IQCH: variants seen among roughly 807,000 people sequenced by gnomAD.
The protein encoded by IQCH is IQ motif containing H.
In IQCH, 98 loss-of-function variants were observed where a neutral mutation model predicts 117.0. That is an observed-to-expected ratio of 0.84 (90% confidence interval 0.71 to 0.99). The LOEUF (loss-of-function observed/expected upper bound fraction) is 0.99, where lower values mean the gene tolerates loss of function less well. Ranked by LOEUF, IQCH falls within the 50% of genes least tolerant of loss-of-function variation. The probability of loss-of-function intolerance (pLI) is 0.00; values close to 1 mark genes in which losing one functional copy is unlikely to be tolerated. For missense variants in IQCH, 1,102 were observed against 1,243.8 expected, an observed-to-expected ratio of 0.89 and a Z score of 1.72; for synonymous variants, 412 against 448.2, an observed-to-expected ratio of 0.92 and a Z score of 1.02.
At chr15:67,307,786 G>A (rs6494646) in intron 4 of IQCH, among the ~76,000 whole-genome samples, 151,395 of 152,282 alleles carry the variant, frequency 0.99, 75,268 homozygotes, top group Middle Eastern at 1. Flanking sequence ...ACAGATGACT[G>A]TAGTCAGCAT....
chr15:67,497,809 G>T (rs1484018773), intron 20 of IQCH, among the ~76,000 whole-genome samples: 1 of 152,084 alleles, frequency 6.6e-6, no homozygotes, highest in East Asian at 1.9e-4. Context: ...TTTAACAGAA[G>T]TGCAAGATTT....
chr15:67,359,985 A>G lies in IQCH; in HGVS notation c.753+100A>G. 1.2e-6 allele frequency: 1 copy of G among 828,686 alleles called. No homozygotes were observed. Among genetic ancestry groups the G allele is most frequent in the East Asian group, 2.6e-5 (1 of 37,900 alleles). The allele number at this position is 828,686 out of a possible 1,614,324, so 51.3% of individuals were successfully genotyped here. A position where few individuals can be genotyped will look rare whatever the true frequency, so the allele number is the denominator to read the frequency against. ...GTATGGGTGACTGCTTGACAGCTGG[A>G]GATGGCAACAAAAGTTCGTGCTTCC... On this transcript the variant is annotated intron_variant, in intron 8 of 20. Coordinates refer to ENST00000335894, the MANE Select transcript of IQCH (RefSeq NM_001031715.3). The surrounding 1 kb of genome is among the most constrained non-coding windows in gnomAD (Gnocchi z 4.5).
At chr15:67,446,064 G>T (rs1441028146) in intron 16 of IQCH, among the ~76,000 whole-genome samples, 2 of 152,168 alleles carry the variant, frequency 1.3e-5, no homozygotes, top group Non-Finnish European at 2.9e-5. Context: ...CATTTCTAAA[G>T]AGGCTCAATA....
intron 12 of IQCH, among the ~76,000 whole-genome samples, chr15:67,392,835 G>A (rs1337136219): frequency 1.3e-5 from 2 of 149,344 alleles, no homozygotes; most frequent in Non-Finnish European, 3.0e-5. Context: ...AAGGCATATC[G>A]CATAGATCTA....
chr15:67,313,164 T>C (rs1379904536), intron 4 of IQCH, among the ~76,000 whole-genome samples: 1 of 152,172 alleles, frequency 6.6e-6, no homozygotes, highest in Non-Finnish European at 1.5e-5. Context: ...TTATATAATC[T>C]TCACAATAGC....
intron 4 of IQCH, among the ~76,000 whole-genome samples, chr15:67,308,560 A>G (rs1000851827): frequency 5.3e-5 from 8 of 152,130 alleles, no homozygotes; most frequent in Admixed American, 1.3e-4. Flanking sequence ...TCCCACTCCT[A>G]TCATTTAAAG....
At chr15:67,285,561 C>A (rs1966529314) in intron 4 of IQCH, among the ~76,000 whole-genome samples, 1 of 152,056 alleles carries the variant, frequency 6.6e-6, no homozygotes, top group Non-Finnish European at 1.5e-5. Context: ...CCTGGGTATT[C>A]TTCTAGGGTT....
intron 6 of IQCH, among the ~76,000 whole-genome samples, chr15:67,349,922 G>A (rs895548092): frequency 3.3e-5 from 5 of 152,114 alleles, no homozygotes; most frequent in Admixed American, 2.0e-4. Flanking sequence ...TTGTTGGTAG[G>A]GATGCAAAAT....
At chr15:67,298,755 A>G (rs1966881158) in intron 4 of IQCH, among the ~76,000 whole-genome samples, 1 of 152,096 alleles carries the variant, frequency 6.6e-6, no homozygotes, top group Non-Finnish European at 1.5e-5. Context: ...AATCTCAGCT[A>G]CTTGGGAGGC....
chr15:67,295,294 A>G (rs1268418271), intron 4 of IQCH, among the ~76,000 whole-genome samples: 2 of 152,174 alleles, frequency 1.3e-5, no homozygotes, highest in Non-Finnish European at 2.9e-5. Context: ...AGCTAGAAAT[A>G]TGGCTGTCTC....
In IQCH at chr15:67,452,182, T is replaced by G. The variant is rs979744857; in HGVS notation, c.2506-12945T>G. 1.9e-4 allele frequency among the ~76,000 whole-genome samples: 29 copies of G among 152,338 alleles called. No individual in the cohort carries two copies. In the East Asian group the frequency reaches 2.9e-3, roughly 15 times the overall value. Reference sequence around the variant, plus strand: ...ATGGGTCTTGACTCTTTATCCAATTTGCCAGTCTGTGTCTTTTAATTGGAG... The same window carrying G: ...ATGGGTCTTGACTCTTTATCCAATTGGCCAGTCTGTGTCTTTTAATTGGAG... On this transcript the variant is annotated intron_variant, in intron 16 of 20. Transcript: ENST00000335894.
At chr15:67,462,438 AAAAG>A (rs1263834177) in intron 16 of IQCH, among the ~76,000 whole-genome samples, 10 of 151,754 alleles carry the variant, frequency 6.6e-5, no homozygotes, top group African/African-American at 1.7e-4. Flanking sequence ...AAAAAAAAAA[AAAAG>A]AAAGAAATTA....
intron 4 of IQCH, 133 bp downstream of exon 4, chr15:67,279,645 T>G (rs1966269770): frequency 1.3e-5 from 7 of 550,390 alleles, no homozygotes; most frequent in Middle Eastern, 4.0e-4. Context: ...TCTAGAATTA[T>G]ATAGTGGTGA....
chr15:67,388,803 TAA>T lies in IQCH; in HGVS notation c.1457-27_1457-26del. The T allele has an allele frequency of 6.3e-7, 1 of 1,585,310 alleles. No individual in the cohort carries two copies. The highest frequency in any genetic ancestry group is 8.7e-7 in the Non-Finnish European group (1 of 1,154,606). Reference sequence around the variant, plus strand: ...ATAATGTCATTTACCTTCACACCAGTAATTAACATTGTGCCTGTTGTTTTTAG... The same window carrying T: ...ATAATGTCATTTACCTTCACACCAGTTTAACATTGTGCCTGTTGTTTTTAG... On this transcript the variant is annotated intron_variant, in intron 11 of 20. Transcript: ENST00000335894. The surrounding 1 kb of genome is among the most constrained non-coding windows in gnomAD (Gnocchi z 5.5).
chr15:67,288,435 G>A (rs956832339), intron 4 of IQCH, among the ~76,000 whole-genome samples: 9 of 151,928 alleles, frequency 5.9e-5, no homozygotes, highest in Admixed American at 2.6e-4. Flanking sequence ...CCAGTATTGG[G>A]TGCATATATA....
chr15:67,482,157 A>G (rs1170820201), intron 18 of IQCH, among the ~76,000 whole-genome samples: 1 of 152,232 alleles, frequency 6.6e-6, no homozygotes, highest in African/African-American at 2.4e-5. Flanking sequence ...GGCAGAGTCA[A>G]GGACCACAAA....
At chr15:67,258,009 C>T (rs1965293979) in intron 1 of IQCH, among the ~76,000 whole-genome samples, 1 of 151,772 alleles carries the variant, frequency 6.6e-6, no homozygotes, top group Admixed American at 6.6e-5. Flanking sequence ...GCGGATGAAT[C>T]ACTTGAGGTC....
chr15:67,483,238 G>A (rs1054365930), intron 18 of IQCH, among the ~76,000 whole-genome samples: 1 of 152,150 alleles, frequency 6.6e-6, no homozygotes, highest in African/African-American at 2.4e-5. Flanking sequence ...AAGAACAGAA[G>A]GGCCAGGCAC....
chr15:67,261,657 T>G (rs962194038), intron 2 of IQCH, among the ~76,000 whole-genome samples: 4 of 152,224 alleles, frequency 2.6e-5, no homozygotes, highest in Non-Finnish European at 5.9e-5. Context: ...TAAAAATAAC[T>G]TGGAGTATGA....
Sources: gnomAD v4.1 joint callset for allele counts (sites outside exome capture counted in the v4.1 genomes callset) on GRCh38, gnomAD v4.1.1 for gene constraint, Gnocchi (gnomAD v3.1) non-coding constraint, MANE v1.5 for transcripts, NCBI Gene and HGNC (gene_info 2026-07-23, HGNC 2026-07-21) for gene names.